WWOX: variants seen among roughly 807,000 people sequenced by gnomAD.
WWOX encodes the protein WW domain containing oxidoreductase, also known as WW domain-containing oxidoreductase.
WWOX carries 69 observed loss-of-function variants against 46.2 expected under a neutral mutation model. That is an observed-to-expected ratio of 1.49 (90% CI 1.23 to 1.82). The LOEUF is 1.82. Ranked by LOEUF, WWOX falls within the 40% of genes most tolerant of loss-of-function variation. WWOX has a pLI of 0.00. For synonymous variants in WWOX, 359 were observed against 202.6 expected (o/e 1.77, Z -6.56); for missense variants, 919 against 542.6 (o/e 1.69, Z -6.89).
At chr16:79,174,790 A>G (rs1156949108) in intron 8 of WWOX, among the ~76,000 whole-genome samples, 1 of 152,238 alleles carries the variant, frequency 6.6e-6, no homozygotes, top group Non-Finnish European at 1.5e-5. Flanking sequence ...ATAAGTATAT[A>G]TTTGATAACT....
intron 4 of WWOX, among the ~76,000 whole-genome samples, chr16:78,147,649 ATC>A (rs1311277103): frequency 7.0e-6 from 1 of 142,578 alleles, no homozygotes; most frequent in Non-Finnish European, 1.5e-5. Flanking sequence ...GCCAAGGTCA[ATC>A]TGAATTTTTC....
chr16:78,557,364 G>A (rs1043510425), intron 8 of WWOX, among the ~76,000 whole-genome samples: 2 of 152,160 alleles, frequency 1.3e-5, no homozygotes, highest in South Asian at 2.1e-4. Flanking sequence ...CCCGCACCGG[G>A]CTCTTGGGAA....
At chr16:79,034,521 C>T (rs908038571) in intron 8 of WWOX, among the ~76,000 whole-genome samples, 1 of 152,212 alleles carries the variant, frequency 6.6e-6, no homozygotes, top group Admixed American at 6.5e-5. Flanking sequence ...ATTTTGCCCC[C>T]TCACCGAATG....
chr16:78,711,635 C>T (rs777151657), intron 8 of WWOX, among the ~76,000 whole-genome samples: 7 of 152,234 alleles, frequency 4.6e-5, no homozygotes, highest in Admixed American at 3.9e-4. Flanking sequence ...TATATAACAT[C>T]GTCTGATAAA....
At chr16:78,910,029 T>C (rs1400327520) in intron 8 of WWOX, among the ~76,000 whole-genome samples, 3 of 152,246 alleles carry the variant, frequency 2.0e-5, no homozygotes, top group Admixed American at 6.5e-5. Flanking sequence ...TTACATTTGA[T>C]GTAATTGCCC....
rs542754389 is a variant in WWOX, at chr16:78,431,730, T to G, written c.792-758T>G. The stretch of plus-strand genomic sequence containing the variant: ...AATTTTTAAATTTTAAATTCTTACT[T>G]TTAGATATGGGGGTCTCACTCTGTT... On this transcript the variant is annotated intron_variant, in intron 7 of 8. Transcript: ENST00000566780. 1.1e-4 allele frequency among the ~76,000 whole-genome samples: 16 copies of G among 151,908 alleles called. 1 individual carries two copies. In the East Asian group the frequency reaches 3.1e-3, roughly 30 times the overall value.
rs907212345 is a variant in WWOX, at chr16:78,109,934, T to C, written c.230+99T>C. 7.1e-6 allele frequency: 9 copies of C among 1,264,688 alleles called. No homozygotes were observed. In the African/African-American group the frequency reaches 1.3e-4, roughly 19 times the overall value. 78.3% of individuals were successfully genotyped at this position (1,264,688 alleles called of 1,614,324 possible). On this transcript the variant is annotated intron_variant, in intron 3 of 8. Transcript: ENST00000566780. ...ATAGTAACTGTAGAAAAATACAAAG[T>C]ATAACAGTGTGTATCTGTAATCTTA...
At chr16:78,770,108 T>G (rs901714960) in intron 8 of WWOX, among the ~76,000 whole-genome samples, 2 of 151,996 alleles carry the variant, frequency 1.3e-5, no homozygotes, top group Non-Finnish European at 2.9e-5. Context: ...TCCCAGCACT[T>G]TGGGAATACG....
At chr16:78,580,965 G>C (rs1202079849) in intron 8 of WWOX, among the ~76,000 whole-genome samples, 1 of 152,108 alleles carries the variant, frequency 6.6e-6, no homozygotes, top group Non-Finnish European at 1.5e-5. Context: ...TTCGCAAAGA[G>C]TAATCTATTG....
intron 8 of WWOX, among the ~76,000 whole-genome samples, chr16:78,977,736 G>C (rs1376321078): frequency 6.6e-6 from 1 of 152,104 alleles, no homozygotes; most frequent in African/African-American, 2.4e-5. Context: ...GTGCCTGCAA[G>C]TCTGTGACCG....
At chr16:78,904,223 C>G (rs1028481678) in intron 8 of WWOX, among the ~76,000 whole-genome samples, 36 of 136,004 alleles carry the variant, frequency 2.6e-4, no homozygotes, top group South Asian at 1.2e-3. Context: ...CTTAGATGAT[C>G]TTATAAATGC....
chr16:78,217,402 A>G (rs1364439003), intron 5 of WWOX, among the ~76,000 whole-genome samples: 2 of 152,194 alleles, frequency 1.3e-5, no homozygotes, highest in African/African-American at 2.4e-5. Context: ...GATATAAAGT[A>G]GAAATAGCCT....
At chr16:79,132,622 C>G (rs1028317935) in intron 8 of WWOX, among the ~76,000 whole-genome samples, 3 of 151,960 alleles carry the variant, frequency 2.0e-5, no homozygotes. Flanking sequence ...TCAAACATCG[C>G]TTTTCTTTTT....
intron 8 of WWOX, among the ~76,000 whole-genome samples, chr16:78,669,276 AG>A (rs1165496330): frequency 6.6e-6 from 1 of 152,244 alleles, no homozygotes; most frequent in East Asian, 1.9e-4. Context: ...GTCCCATGGC[AG>A]TGCCTAAGCA....
chr16:78,330,917 C>G (rs773488345), intron 5 of WWOX, among the ~76,000 whole-genome samples: 4 of 152,138 alleles, frequency 2.6e-5, no homozygotes, highest in African/African-American at 7.2e-5. Flanking sequence ...GTTAGTCTCT[C>G]CACTTTATTT....
chr16:78,458,763 C>G (rs2083885993), intron 8 of WWOX, among the ~76,000 whole-genome samples: 1 of 151,848 alleles, frequency 6.6e-6, no homozygotes, highest in Non-Finnish European at 1.5e-5. Flanking sequence ...TATATAAATA[C>G]CAGTACTAGT....
chr16:78,788,582 C>A (rs954744976), intron 8 of WWOX, among the ~76,000 whole-genome samples: 1 of 152,218 alleles, frequency 6.6e-6, no homozygotes, highest in African/African-American at 2.4e-5. Context: ...CTAGGAAGGG[C>A]TGGAAAGCTC....
chr16:78,632,900 A>G lies in WWOX; in HGVS notation c.1056+200148A>G, dbSNP rs373245137. On this transcript the variant is annotated intron_variant, in intron 8 of 8. Transcript: ENST00000566780. ...GCCTGATCGCCTCTCCACCCCTGCT[A>G]CGTGTAATAGAAAGGTAGGGCCATG... Among the ~76,000 whole-genome samples, 14 of 151,892 alleles carry G rather than the reference A, an allele frequency of 9.2e-5. No individual in the cohort carries two copies. In the East Asian group the frequency reaches 1.2e-3, roughly 13 times the overall value.
chr16:78,828,061 C>T (rs543347336), intron 8 of WWOX, among the ~76,000 whole-genome samples: 5 of 152,244 alleles, frequency 3.3e-5, no homozygotes, highest in Non-Finnish European at 5.9e-5. Context: ...CAACTGGGAG[C>T]CCTGGTGTGT....
Sources: allele counts gnomAD v4.1 joint callset (sites outside exome capture counted in the v4.1 genomes callset), GRCh38; gene constraint gnomAD v4.1.1; transcripts MANE v1.5; gene names NCBI Gene and HGNC (gene_info 2026-07-23, HGNC 2026-07-21).